MSRB2: variants seen among roughly 807,000 people sequenced by gnomAD.
MSRB2 encodes the protein methionine-R-sulfoxide reductase B2, mitochondrial.
Under a neutral mutation model 19.0 loss-of-function variants are expected in MSRB2, and 17 were observed. That is an observed-to-expected ratio of 0.89 (90% confidence interval 0.61 to 1.34). MSRB2 has a LOEUF of 1.34. MSRB2 is among the 40% of genes most tolerant of loss of function. The probability of loss-of-function intolerance (pLI) is 0.00; values close to 1 mark genes in which losing one functional copy is unlikely to be tolerated. For missense variants in MSRB2, 208 were observed against 237.6 expected (o/e 0.88, Z 0.82); for synonymous variants, 107 against 99.7 (o/e 1.07, Z -0.44).
intron 2 of MSRB2, 56 bp from the exon 3 acceptor site, chr10:23,110,186 C>A: frequency 7.2e-7 from 1 of 1,384,930 alleles, no homozygotes; most frequent in Non-Finnish European, 1.0e-6. Flanking sequence ...TCTGCTGTTT[C>A]AACTCCTGCC....
chr10:23,107,629 C>T (rs1038554461), intron 2 of MSRB2, among the ~76,000 whole-genome samples: 2 of 152,158 alleles, frequency 1.3e-5, no homozygotes, highest in African/African-American at 2.4e-5. Context: ...CAGCGCTACC[C>T]GAACTCCATG....
chr10:23,118,285 A>C (rs1840135197), intron 3 of MSRB2, among the ~76,000 whole-genome samples: 1 of 147,252 alleles, frequency 6.8e-6, no homozygotes, highest in South Asian at 2.1e-4. Flanking sequence ...TTCTGTGTTC[A>C]TAGTCTAGGG....
At position 23,120,793 on chromosome 10, in the gene MSRB2, A is replaced by G; in HGVS notation, c.480A>G (p.Gly160=). 1 of 1,614,140 alleles carries G rather than the reference A, an allele frequency of 6.2e-7. No homozygotes were observed. The highest frequency in any genetic ancestry group is 1.3e-5 in the African/African-American group (1 of 75,024). ...EAHLGHVFPD[G]PGPNGQRFCI... is the part of the protein sequence containing the mutation. The stretch of plus-strand genomic sequence containing the variant: ...ATCTAGGTCACGTGTTTCCTGATGG[A>G]CCTGGGCCCAATGGTCAGAGGTTTT... Residue 160 remains glycine, a synonymous_variant, in exon 5 of 5, where the codon GGA becomes GGG. Coordinates refer to ENST00000376510, the MANE Select transcript of MSRB2 (RefSeq NM_012228.4).
At chr10:23,105,528 C>G (rs186759933) in intron 2 of MSRB2, among the ~76,000 whole-genome samples, 150 of 152,252 alleles carry the variant, frequency 9.9e-4, no homozygotes, top group African/African-American at 3.5e-3. Context: ...TCCATGTGTT[C>G]AAATTCTTTA....
chr10:23,118,599 C>G (rs180975257), intron 3 of MSRB2, among the ~76,000 whole-genome samples: 24 of 152,112 alleles, frequency 1.6e-4, no homozygotes, highest in Non-Finnish European at 2.5e-4. Flanking sequence ...ATGCCAGGTA[C>G]CCAGGCGTAT....
rs909030553 is a variant in MSRB2 at position 23,095,674 on chromosome 10, G to C, written c.66G>C (p.Arg22=). 3 of 1,337,850 alleles carry C rather than the reference G, an allele frequency of 2.2e-6. No individual in the cohort carries two copies. Among genetic ancestry groups the C allele is most frequent in the Non-Finnish European group, 2.8e-6 (3 of 1,053,460 alleles). The allele number at this position is 1,337,850 out of a possible 1,614,324, so 82.9% of individuals were successfully genotyped here. The part of the protein sequence containing the change: ...TLGTAPRRAV[R]GQAGGGGPGT... ...GAACTGCGCCTCGGCGGGCGGTGCG[G>C]GGCCAAGCGGGCGGCGGCGGGCCCG... is the stretch of plus-strand genomic sequence containing the variant. Residue 22 remains arginine (R), a synonymous_variant, in exon 1 of 5, where the codon CGG becomes CGC. Coordinates refer to ENST00000376510, the MANE Select transcript of MSRB2 (RefSeq NM_012228.4).
chr10:23,108,074 C>T (rs1310204905), intron 2 of MSRB2, among the ~76,000 whole-genome samples: 1 of 151,944 alleles, frequency 6.6e-6, no homozygotes, highest in Non-Finnish European at 1.5e-5. Context: ...GATTCTGCCT[C>T]AGCCTCCCGA....
In MSRB2 at chr10:23,095,707, G is replaced by A. The variant is rs1588965420; in HGVS notation, c.99G>A (p.Gly33=). The A allele has an allele frequency of 3.9e-6, 5 of 1,297,518 alleles. No homozygotes were observed. The Admixed American group carries it at 1.3e-4, about 33-fold the overall frequency. 80.4% of individuals were successfully genotyped at this position (1,297,518 alleles called of 1,614,324 possible). The stretch of plus-strand genomic sequence containing the variant: ...CGGGCGGCGGCGGGCCCGGCACCGG[G>A]CCGGGACTGGGGGAGGCAGGTAGGA... ...GQAGGGGPGT[G]PGLGEAGSLA... is the part of the protein sequence containing the mutation. Residue 33 remains glycine (G), a synonymous_variant, in exon 1 of 5, where the codon GGG becomes GGA. Transcript: ENST00000376510.
chr10:23,114,436 C>G (rs1840088551), intron 3 of MSRB2, among the ~76,000 whole-genome samples: 1 of 152,006 alleles, frequency 6.6e-6, no homozygotes, highest in Non-Finnish European at 1.5e-5. Flanking sequence ...ACTTACATGC[C>G]AGACACTGGG....
At chr10:23,117,299 C>T (rs7904442) in intron 3 of MSRB2, among the ~76,000 whole-genome samples, 9 of 151,936 alleles carry the variant, frequency 5.9e-5, no homozygotes, top group East Asian at 5.8e-4. Context: ...CTGGGGGGGA[C>T]CTTTCTAGGG....
At chr10:23,100,624 A>AGAGAGAGAGGGGGAG (rs1839917543) in intron 1 of MSRB2, among the ~76,000 whole-genome samples, 1 of 152,158 alleles carries the variant, frequency 6.6e-6, no homozygotes. Flanking sequence ...AGCAGGAGGA[A>AGAGAGAGAGGGGGAG]GAGAGAGAGG....
intron 1 of MSRB2, among the ~76,000 whole-genome samples, chr10:23,102,731 A>C (rs953631317): frequency 6.6e-6 from 1 of 152,184 alleles, no homozygotes; most frequent in African/African-American, 2.4e-5. Flanking sequence ...GTAGTCTTTC[A>C]CCCAGGGGTT....
chr10:23,098,373 CG>C (rs1403053177), intron 1 of MSRB2, among the ~76,000 whole-genome samples: 1 of 152,154 alleles, frequency 6.6e-6, no homozygotes, highest in Non-Finnish European at 1.5e-5. Flanking sequence ...AGGCCCACCC[CG>C]TAGAACTTCT....
At chr10:23,114,431 C>T (rs1840088413) in intron 3 of MSRB2, among the ~76,000 whole-genome samples, 1 of 151,606 alleles carries the variant, frequency 6.6e-6, no homozygotes, top group African/African-American at 2.4e-5. Flanking sequence ...TGAGCACTTA[C>T]ATGCCAGACA....
intron 1 of MSRB2, among the ~76,000 whole-genome samples, chr10:23,096,772 T>A (rs1223864541): frequency 1.3e-5 from 2 of 152,236 alleles, no homozygotes; most frequent in African/African-American, 4.8e-5. Context: ...GTCAGTCTGA[T>A]GACATTTGCT....
chr10:23,115,652 C>A (rs1359196559), intron 3 of MSRB2, among the ~76,000 whole-genome samples: 1 of 152,164 alleles, frequency 6.6e-6, no homozygotes, highest in Non-Finnish European at 1.5e-5. Flanking sequence ...CAAGGGCAAA[C>A]CTTACAATCT....
chr10:23,119,169 C>G, intron 3 of MSRB2, 135 bp from the exon 4 acceptor site: 1 of 1,127,862 alleles, frequency 8.9e-7, no homozygotes, highest in Non-Finnish European at 1.3e-6. Context: ...GACTGACTGT[C>G]GAATAACTGG....
At chr10:23,114,474 C>T (rs1983880) in intron 3 of MSRB2, among the ~76,000 whole-genome samples, 136,065 of 152,200 alleles carry the variant, frequency 0.89, 61,538 homozygotes, top group Non-Finnish European at 0.96. Flanking sequence ...CAATCCTCAC[C>T]CTCCAATAAG....
chr10:23,120,719 T>G, intron 4 of MSRB2, 39 bp from the exon 5 acceptor site: 1 of 1,529,776 alleles, frequency 6.5e-7, no homozygotes, highest in Non-Finnish European at 9.0e-7. Context: ...AAGAGCTTTG[T>G]TTGCATTTGG....
Sources: gnomAD v4.1 joint callset for allele counts (sites outside exome capture counted in the v4.1 genomes callset) on GRCh38, gnomAD v4.1.1 for gene constraint, MANE v1.5 for transcripts, NCBI Gene and HGNC (gene_info 2026-07-23, HGNC 2026-07-21) for gene names.